SEC63: variants seen among roughly 807,000 people sequenced by gnomAD.
The protein encoded by SEC63 is SEC63 protein translocation regulator.
SEC63 carries 56 observed loss-of-function variants against 116.2 expected under a neutral mutation model. That is an observed-to-expected ratio of 0.48 (90% confidence interval 0.39 to 0.60). SEC63 has a LOEUF of 0.60. SEC63 is among the 20% of genes least tolerant of loss of function. The pLI is 0.00. For synonymous variants in SEC63, 273 were observed against 294.6 expected, an observed-to-expected ratio of 0.93 and a Z score of 0.75; for missense variants, 668 against 900.0, an observed-to-expected ratio of 0.74 and a Z score of 3.30.
chr6:107,942,795 G>GA (rs1374122688), intron 1 of SEC63, among the ~76,000 whole-genome samples: 1 of 152,056 alleles, frequency 6.6e-6, no homozygotes, highest in Non-Finnish European at 1.5e-5. Context: ...AATAAAGCTA[G>GA]AAAAAAGACA....
intron 14 of SEC63, 83 bp from the exon 15 acceptor site, chr6:107,893,980 A>G: frequency 7.1e-7 from 1 of 1,407,614 alleles, no homozygotes; most frequent in South Asian, 1.2e-5. Context: ...TTCAAACTGC[A>G]TTTTTATTAA....
chr6:107,932,462 C>G (rs569019791), intron 1 of SEC63, among the ~76,000 whole-genome samples: 43 of 152,116 alleles, frequency 2.8e-4, no homozygotes, highest in African/African-American at 9.9e-4. Context: ...CAAGAAGTAC[C>G]GAAACCAAGT....
chr6:107,887,861 A>G (rs934643197), intron 16 of SEC63, among the ~76,000 whole-genome samples: 1 of 152,148 alleles, frequency 6.6e-6, no homozygotes, highest in Admixed American at 6.6e-5. Context: ...TCCTTTCCCC[A>G]TTGCTTGTTT....
intron 20 of SEC63, among the ~76,000 whole-genome samples, 153 bp from the exon 21 acceptor site, chr6:107,872,000 GAC>G (rs1247336954): frequency 3.3e-5 from 5 of 152,170 alleles, no homozygotes; most frequent in Non-Finnish European, 7.4e-5. Flanking sequence ...ATTTAGAACA[GAC>G]ACTTCATCCC....
At chr6:107,877,807 GT>G (rs1177788915) in intron 18 of SEC63, among the ~76,000 whole-genome samples, 4 of 152,118 alleles carry the variant, frequency 2.6e-5, no homozygotes, top group African/African-American at 9.7e-5. Context: ...TTAAAATTTG[GT>G]TTATCTTTCA....
At chr6:107,934,835 T>C (rs370318672) in intron 1 of SEC63, among the ~76,000 whole-genome samples, 2,496 of 4,918 alleles carry the variant, frequency 0.51, 1,130 homozygotes, top group Middle Eastern at 1. Context: ...CTGCCCCGTC[T>C]GGGAGGGAGG....
At chr6:107,956,243 CA>C (rs1472319783) in intron 1 of SEC63, 1 of 169,408 alleles carries the variant, frequency 5.9e-6, no homozygotes, top group African/African-American at 2.4e-5. Context: ...ACATTCTGGC[CA>C]AACCCACCGA....
chr6:107,929,905 C>G (rs887921330), intron 1 of SEC63, among the ~76,000 whole-genome samples: 3 of 152,090 alleles, frequency 2.0e-5, no homozygotes, highest in Non-Finnish European at 4.4e-5. Context: ...GGAAGCTAAG[C>G]AGAAATAATA....
intron 13 of SEC63, among the ~76,000 whole-genome samples, chr6:107,899,607 T>C (rs1234229345): frequency 6.6e-6 from 1 of 151,702 alleles, no homozygotes; most frequent in Non-Finnish European, 1.5e-5. Flanking sequence ...TAATCCCAGC[T>C]ACTTGGGAGG....
At position 107,933,134 on chromosome 6, in the gene SEC63, G is replaced by A. The variant is rs149556699; in HGVS notation, c.125-3620C>T. On this transcript the variant is annotated intron_variant, in intron 1 of 20. Coordinates refer to ENST00000369002, the MANE Select transcript of SEC63 (RefSeq NM_007214.5). ...CAACGGAAGCAGATGCTGGACTAATGCCCTTTTTAAAGATGAAGGAAGGGC... is the reference window on the plus strand; with the variant it reads ...CAACGGAAGCAGATGCTGGACTAATACCCTTTTTAAAGATGAAGGAAGGGC... Among the ~76,000 whole-genome samples, 870 of 152,180 alleles carry A rather than the reference G, an allele frequency of 5.7e-3. 7 individuals carry two copies. The highest frequency in any genetic ancestry group is 0.019 in the African/African-American group (797 of 41,496).
At position 107,872,800 on chromosome 6, in the gene SEC63, A is replaced by G; in HGVS notation, c.2139+8T>C. On this transcript the variant is annotated splice_region_variant and intron_variant, in intron 20 of 20. Coordinates refer to ENST00000369002, the MANE Select transcript of SEC63 (RefSeq NM_007214.5). ...AACTCTTATTTATTGAAGAGTCACTATTCTTACCTTCAATGGTTTAATCTG... is the reference window on the plus strand; with the variant it reads ...AACTCTTATTTATTGAAGAGTCACTGTTCTTACCTTCAATGGTTTAATCTG... The G allele has an allele frequency of 7.0e-7, 1 of 1,438,542 alleles. No homozygotes were observed. Among genetic ancestry groups the G allele is most frequent in the Non-Finnish European group, 9.7e-7 (1 of 1,032,678 alleles). The allele number at this position is 1,438,542 out of a possible 1,614,324, so 89.1% of individuals were successfully genotyped here.
intron 1 of SEC63, among the ~76,000 whole-genome samples, chr6:107,949,736 C>G (rs1770542647): frequency 6.6e-6 from 1 of 152,116 alleles, no homozygotes; most frequent in Non-Finnish European, 1.5e-5. Context: ...CTCAAGTGAT[C>G]CTCCTGCTTC....
rs1381667433 is a variant in SEC63, at chr6:107,870,692, A to G, written c.*1012T>C. On this transcript the variant is annotated 3_prime_UTR_variant, in exon 21 of 21. Coordinates refer to ENST00000369002, the MANE Select transcript of SEC63 (RefSeq NM_007214.5). The stretch of plus-strand genomic sequence containing the variant: ...TAATGTACAATACTATTCAATCTTT[A>G]GTTGAAAAATAAAGAAGTGGATTGC... 1 of 152,190 alleles carries G rather than the reference A, an allele frequency of 6.6e-6. No homozygotes were observed. Among genetic ancestry groups the G allele is most frequent in the Admixed American group, 6.5e-5 (1 of 15,276 alleles). 9.4% of individuals were successfully genotyped at this position (152,190 alleles called of 1,614,324 possible).
chr6:107,907,914 C>T (rs1249087323), intron 8 of SEC63, among the ~76,000 whole-genome samples: 3 of 152,096 alleles, frequency 2.0e-5, no homozygotes, highest in Non-Finnish European at 4.4e-5. Context: ...AAACAGAAAT[C>T]AAAATGATTG....
intron 14 of SEC63, 47 bp downstream of exon 14, chr6:107,897,602 C>A: frequency 2.4e-6 from 3 of 1,268,638 alleles, no homozygotes; most frequent in Non-Finnish European, 3.5e-6. Flanking sequence ...ATATAAAAGC[C>A]TTGACACACA....
At chr6:107,917,440 C>G (rs550279520) in intron 4 of SEC63, among the ~76,000 whole-genome samples, 3 of 151,902 alleles carry the variant, frequency 2.0e-5, no homozygotes, top group Non-Finnish European at 4.4e-5. Flanking sequence ...CTGGTCTCGG[C>G]GGGCCTCTAA....
At chr6:107,896,772 A>T (rs953210602) in intron 14 of SEC63, among the ~76,000 whole-genome samples, 2 of 152,016 alleles carry the variant, frequency 1.3e-5, no homozygotes, top group Non-Finnish European at 2.9e-5. Flanking sequence ...TGAGTTGAGG[A>T]GTTCAAGACC....
chr6:107,954,167 C>T, intron 1 of SEC63, among the ~76,000 whole-genome samples: 2 of 151,980 alleles, frequency 1.3e-5, no homozygotes, highest in Non-Finnish European at 1.5e-5. Flanking sequence ...GTGACCCTAC[C>T]CCCAACCCTG....
At chr6:107,932,641 T>C (rs901536686) in intron 1 of SEC63, among the ~76,000 whole-genome samples, 2 of 152,234 alleles carry the variant, frequency 1.3e-5, no homozygotes, top group Non-Finnish European at 2.9e-5. Context: ...ATGAACCCTG[T>C]ACTGTTGGAC....
Sources: gnomAD v4.1 joint callset for allele counts (sites outside exome capture counted in the v4.1 genomes callset) on GRCh38, gnomAD v4.1.1 for gene constraint, MANE v1.5 for transcripts, NCBI Gene and HGNC (gene_info 2026-07-23, HGNC 2026-07-21) for gene names.